Variants in NPM1 observed in about 807,000 individuals in gnomAD.
NPM1 encodes the protein nucleophosmin 1.
NPM1 carries 1 observed loss-of-function variant against 44.1 expected under a neutral mutation model. That is an observed-to-expected ratio of 0.02 (90% confidence interval 0.01 to 0.11). The LOEUF (loss-of-function observed/expected upper bound fraction) is 0.11, where lower values mean the gene tolerates loss of function less well. Ranked by LOEUF, NPM1 falls within the 10% of genes least tolerant of loss-of-function variation. The pLI is 1.00. For missense variants in NPM1, 197 were observed against 347.8 expected (o/e 0.57, Z 3.45); for synonymous variants, 126 against 111.8 (o/e 1.13, Z -0.80).
chr5:171,404,326 C>T (rs1460099972), intron 8 of NPM1, among the ~76,000 whole-genome samples: 7 of 89,430 alleles, frequency 7.8e-5, no homozygotes, highest in Non-Finnish European at 1.4e-4. Context: ...GGAGAGGCTC[C>T]TCACTTCTCA....
chr5:171,400,336 C>A, intron 7 of NPM1, 126 bp downstream of exon 7: 1 of 525,600 alleles, frequency 1.9e-6, no homozygotes, highest in Middle Eastern at 6.0e-4. Context: ...GAAAATTAGT[C>A]CTGAGGAGGA....
intron 1 of NPM1, among the ~76,000 whole-genome samples, chr5:171,388,294 C>A (rs1228581745): frequency 1.3e-5 from 2 of 152,164 alleles, no homozygotes; most frequent in East Asian, 3.9e-4. Flanking sequence ...CCTGGAAGTT[C>A]GGCCTTTGCC....
chr5:171,400,005 C>T (rs1032958872), intron 6 of NPM1, 148 bp from the exon 7 acceptor site: 1 of 611,298 alleles, frequency 1.6e-6, no homozygotes, highest in African/African-American at 1.8e-5. Context: ...AGTCATTTAA[C>T]ACTTGGGTTG....
At chr5:171,406,284 G>A (rs759624257) in intron 9 of NPM1, 9 of 935,140 alleles carry the variant, frequency 9.6e-6, no homozygotes, top group Non-Finnish European at 1.6e-5. Context: ...AAACCCTTTA[G>A]CCTTCCTGGT....
intron 6 of NPM1, among the ~76,000 whole-genome samples, chr5:171,396,377 C>T (rs932561196): frequency 3.3e-5 from 5 of 152,148 alleles, no homozygotes; most frequent in Non-Finnish European, 7.4e-5. Flanking sequence ...AAAAAGCATT[C>T]TCATCTTGTT....
intron 6 of NPM1, among the ~76,000 whole-genome samples, chr5:171,397,159 G>T (rs556963501): frequency 3.3e-5 from 5 of 152,240 alleles, no homozygotes; most frequent in South Asian, 4.1e-4. Flanking sequence ...TATTTTGCAC[G>T]AATGGACTTC....
At chr5:171,393,515 CTT>C (rs1322985196) in intron 6 of NPM1, among the ~76,000 whole-genome samples, 9 of 152,206 alleles carry the variant, frequency 5.9e-5, no homozygotes, top group South Asian at 2.1e-4. Flanking sequence ...TATTTGATGA[CTT>C]TATATTAAAC....
At chr5:171,394,477 T>G (rs544181176) in intron 6 of NPM1, among the ~76,000 whole-genome samples, 97 of 152,158 alleles carry the variant, frequency 6.4e-4, no homozygotes, top group Non-Finnish European at 1.3e-3. Flanking sequence ...CCCGGCCACT[T>G]TTTTTCTTGA....
chr5:171,404,088 A>AC (rs1392793646), intron 8 of NPM1, among the ~76,000 whole-genome samples: 32 of 47,106 alleles, frequency 6.8e-4, no homozygotes, highest in African/African-American at 2.8e-3. Context: ...CGGGGGGCTG[A>AC]CCCCCCCACC....
At chr5:171,396,320 ATAG>A (rs952823665) in intron 6 of NPM1, among the ~76,000 whole-genome samples, 1 of 152,140 alleles carries the variant, frequency 6.6e-6, no homozygotes, top group Non-Finnish European at 1.5e-5. Flanking sequence ...AGCTATTTTG[ATAG>A]TAGTTTAATA....
chr5:171,405,996 CTCTCA>C (rs1467042346), intron 9 of NPM1, among the ~76,000 whole-genome samples: 1 of 152,104 alleles, frequency 6.6e-6, no homozygotes, highest in East Asian at 1.9e-4. Context: ...AGGGTTAGGT[CTCTCA>C]TCTGCTTGAC....
intron 10 of NPM1, among the ~76,000 whole-genome samples, chr5:171,409,434 C>T (rs1319970059): frequency 6.6e-6 from 1 of 152,078 alleles, no homozygotes; most frequent in African/African-American, 2.4e-5. Flanking sequence ...TACCTGTAAT[C>T]CCACCTACTC....
chr5:171,410,325 C>T (rs1771760030), intron 10 of NPM1, among the ~76,000 whole-genome samples: 1 of 152,092 alleles, frequency 6.6e-6, no homozygotes, highest in African/African-American at 2.4e-5. Flanking sequence ...GTATATTGTT[C>T]ACATTTTTAT....
intron 8 of NPM1, among the ~76,000 whole-genome samples, chr5:171,401,172 A>T (rs1166640676): frequency 6.6e-6 from 1 of 152,056 alleles, no homozygotes; most frequent in Non-Finnish European, 1.5e-5. Context: ...AGCCCGGCCA[A>T]CATCGTGAAA....
intron 9 of NPM1, chr5:171,407,166 G>A (rs927671692): frequency 6.5e-6 from 1 of 154,022 alleles, no homozygotes; most frequent in Non-Finnish European, 1.4e-5. Flanking sequence ...GAAATGGTAA[G>A]AGTGATTAGT....
chr5:171,393,042 AG>A, intron 6 of NPM1, 64 bp downstream of exon 6: 1 of 1,545,880 alleles, frequency 6.5e-7, no homozygotes. Flanking sequence ...AATTTGACAT[AG>A]TTATATGCAT....
At chr5:171,409,683 C>T (rs1771727955) in intron 10 of NPM1, among the ~76,000 whole-genome samples, 1 of 152,186 alleles carries the variant, frequency 6.6e-6, no homozygotes, top group South Asian at 2.1e-4. Flanking sequence ...AACTTCTGGA[C>T]TTTTCTTCAG....
intron 2 of NPM1, among the ~76,000 whole-genome samples, 185 bp downstream of exon 2, chr5:171,390,315 T>A (rs1168262370): frequency 6.6e-6 from 1 of 152,210 alleles, no homozygotes; most frequent in African/African-American, 2.4e-5. Flanking sequence ...ATACCACTCA[T>A]TTGGTAACCA....
upstream of NPM1, chr5:171,387,641 G>A (rs1470370585): frequency 4.6e-6 from 2 of 431,402 alleles, no homozygotes; most frequent in Non-Finnish European, 8.3e-6. Context: ...GGTGGGGCCA[G>A]TGTACGAGTG....
Sources: allele counts gnomAD v4.1 joint callset (sites outside exome capture counted in the v4.1 genomes callset), GRCh38; gene constraint gnomAD v4.1.1; transcripts MANE v1.5; gene names NCBI Gene and HGNC (gene_info 2026-07-23, HGNC 2026-07-21).